The following RAD23B variants were observed in gnomAD, a reference collection of about 807,000 sequenced individuals.
RAD23B encodes lysine-specific demethylase RAD23B.
In RAD23B, 5 loss-of-function variants were observed where a neutral mutation model predicts 49.1. The ratio of observed to expected loss-of-function variants is 0.10; its 90% CI spans 0.05 to 0.21. The LOEUF (loss-of-function observed/expected upper bound fraction) is 0.21, where lower values mean the gene tolerates loss of function less well. Ranked by LOEUF, RAD23B falls within the 10% of genes least tolerant of loss-of-function variation. RAD23B has a pLI of 1.00. For synonymous variants in RAD23B, 184 were observed against 165.4 expected, an observed-to-expected ratio of 1.11 and a Z score of -0.86; for missense variants, 356 against 486.7, an observed-to-expected ratio of 0.73 and a Z score of 2.53.
intron 4 of RAD23B, among the ~76,000 whole-genome samples, chr9:107,309,016 A>G (rs1826837057): frequency 6.6e-6 from 1 of 152,210 alleles, no homozygotes; most frequent in African/African-American, 2.4e-5. Context: ...CTTGATATCT[A>G]CCTGAGAGAA....
intron 4 of RAD23B, among the ~76,000 whole-genome samples, chr9:107,309,116 G>GA (rs1232854268): frequency 2.6e-5 from 4 of 152,162 alleles, no homozygotes; most frequent in Admixed American, 2.6e-4. Context: ...GTAGAGAACA[G>GA]GACTACTCAA....
chr9:107,298,474 A>ATTTTTTTTTTTTTT (rs35923233), intron 1 of RAD23B, among the ~76,000 whole-genome samples: 6 of 53,110 alleles, frequency 1.1e-4, no homozygotes, highest in African/African-American at 2.1e-4. Context: ...TGCTTGGCTA[A>ATTTTTTTTTTTTTT]TTTTTTTTTT....
Position 107,331,652 on chromosome 9 carries a change from A to G in RAD23B, c.*1996A>G. 1 of 770,424 alleles carries G rather than the reference A, an allele frequency of 1.3e-6. No individual in the cohort carries two copies. The highest frequency in any genetic ancestry group is 2.4e-6 in the Non-Finnish European group (1 of 415,412). 47.7% of individuals were successfully genotyped at this position (770,424 alleles called of 1,614,324 possible). A position where few individuals can be genotyped will look rare whatever the true frequency, so the allele number is the denominator to read the frequency against. ...GGAATACTCTCATTTATTTTATGAC[A>G]TTCTCTGTCTACTCAGATCATAGTG... On this transcript the variant is annotated 3_prime_UTR_variant, in exon 10 of 10. Transcript: ENST00000358015.
intron 1 of RAD23B, among the ~76,000 whole-genome samples, chr9:107,292,918 TA>T (rs1453734256): frequency 6.6e-6 from 1 of 152,140 alleles, no homozygotes; most frequent in Non-Finnish European, 1.5e-5. Context: ...CCCCAAAACT[TA>T]ATTAGAACAG....
chr9:107,323,969 T>A lies in RAD23B; in HGVS notation c.897T>A (p.Leu299=), dbSNP rs1301876197. Residue 299 remains leucine, a synonymous_variant, in exon 8 of 10, where the codon CTT becomes CTA. Coordinates refer to ENST00000358015, the MANE Select transcript of RAD23B (RefSeq NM_002874.5). ...RQIIQQNPSL[L]PALLQQIGRE... The stretch of plus-strand genomic sequence containing the variant: ...TTATTCAGCAGAATCCTTCCTTGCT[T>A]CCAGCGTTACTACAGCAGATAGGTC... 3 of 1,613,214 alleles carry A rather than the reference T, an allele frequency of 1.9e-6. No individual in the cohort carries two copies. The highest frequency in any genetic ancestry group is 2.5e-6 in the Non-Finnish European group (3 of 1,179,306).
Position 107,331,113 on chromosome 9 carries a change from A to G in RAD23B, c.*1457A>G, listed in dbSNP as rs1827298809. The G allele has an allele frequency of 6.6e-6, 1 of 152,440 alleles. No individual in the cohort carries two copies. Among genetic ancestry groups the G allele is most frequent in the Non-Finnish European group, 1.5e-5 (1 of 68,042 alleles). The allele number at this position is 152,440 out of a possible 1,614,324, so 9.4% of individuals were successfully genotyped here. A position where few individuals can be genotyped will look rare whatever the true frequency, so the allele number is the denominator to read the frequency against. On this transcript the variant is annotated 3_prime_UTR_variant, in exon 10 of 10. Coordinates refer to ENST00000358015, the MANE Select transcript of RAD23B (RefSeq NM_002874.5). Reference sequence around the variant, plus strand: ...TCTGATACTAAGAAGATGAATTTGCACAGATTTCTCTGCATAATTTCTCAA... The same window carrying G: ...TCTGATACTAAGAAGATGAATTTGCGCAGATTTCTCTGCATAATTTCTCAA...
chr9:107,308,281 T>C (rs1826822888), intron 4 of RAD23B, among the ~76,000 whole-genome samples: 1 of 151,054 alleles, frequency 6.6e-6, no homozygotes, highest in South Asian at 2.1e-4. Flanking sequence ...TGCAGTGGCG[T>C]GACCTCGGCT....
intron 4 of RAD23B, among the ~76,000 whole-genome samples, chr9:107,310,640 T>G (rs1380045583): frequency 1.3e-5 from 2 of 152,236 alleles, no homozygotes; most frequent in Non-Finnish European, 2.9e-5. Flanking sequence ...TTTGAAATTT[T>G]ATTTTCTCTG....
intron 9 of RAD23B, among the ~76,000 whole-genome samples, chr9:107,328,132 A>G (rs369870286): frequency 2.0e-5 from 3 of 152,180 alleles, no homozygotes; most frequent in African/African-American, 7.2e-5. Flanking sequence ...TACTTCACCT[A>G]TCCTAGCTTT....
At chr9:107,286,434 C>A (rs1174973200) in intron 1 of RAD23B, among the ~76,000 whole-genome samples, 1 of 152,050 alleles carries the variant, frequency 6.6e-6, no homozygotes, top group African/African-American at 2.4e-5. Context: ...TTTTATTTGC[C>A]CTAGTTTTAA....
In RAD23B at chr9:107,283,467, G is replaced by T; in HGVS notation, c.-163G>T. The T allele has an allele frequency of 2.0e-6, 1 of 492,296 alleles. No homozygotes were observed. 30.5% of individuals were successfully genotyped at this position (492,296 alleles called of 1,614,324 possible). On this transcript the variant is annotated 5_prime_UTR_variant, in exon 1 of 10. Transcript: ENST00000358015. ...GCGCGGTCCGGGGCACGGGCTGGGG[G>T]AGAGGCCGCTCCGCTGGGCGAATGT... is the stretch of plus-strand genomic sequence containing the variant.
chr9:107,306,403 C>G lies in RAD23B; in HGVS notation c.253C>G (p.Pro85Ala). Residue 85 changes from proline to alanine, a missense_variant, in exon 4 of 10, where the codon CCA (proline) becomes GCA (alanine). Pro to Ala is a conservative substitution (Grantham distance 27). Around this residue, in one of 5 missense-constraint regions of RAD23B, gnomAD observed 137 missense variants for 122.0 expected, o/e 1.12. Coordinates refer to ENST00000358015, the MANE Select transcript of RAD23B (RefSeq NM_002874.5). ...GCCCAAAGCAGTGTCCACACCAGCACCAGCTACAACTCAGCAGTCAGCTCC... is the reference window on the plus strand; with the variant it reads ...GCCCAAAGCAGTGTCCACACCAGCAGCAGCTACAACTCAGCAGTCAGCTCC... ...TKPKAVSTPA[P>A]ATTQQSAPAS... 3 of 1,614,086 alleles carry G rather than the reference C, an allele frequency of 1.9e-6. No homozygotes were observed. Among genetic ancestry groups the G allele is most frequent in the Non-Finnish European group, 2.5e-6 (3 of 1,179,998 alleles).
intron 1 of RAD23B, among the ~76,000 whole-genome samples, chr9:107,299,038 T>G (rs1443524530): frequency 6.6e-6 from 1 of 152,086 alleles, no homozygotes; most frequent in African/African-American, 2.4e-5. Context: ...TCATAAGGGG[T>G]GGTAACCTCT....
At chr9:107,298,474 ATTTTTTTTTTTTTTTTTTT>A (rs35923233) in intron 1 of RAD23B, among the ~76,000 whole-genome samples, 2 of 53,112 alleles carry the variant, frequency 3.8e-5, no homozygotes, top group African/African-American at 2.1e-4. Context: ...TGCTTGGCTA[ATTTTTTTTTTTTTTTTTTT>A]TTTTTTTTTG....
chr9:107,305,802 A>C (rs1826750008), intron 3 of RAD23B, among the ~76,000 whole-genome samples: 1 of 151,924 alleles, frequency 6.6e-6, no homozygotes, highest in African/African-American at 2.4e-5. Context: ...AAACATTTAT[A>C]CTGCCATTTC....
intron 8 of RAD23B, among the ~76,000 whole-genome samples, chr9:107,324,473 A>C (rs1299977680): frequency 6.6e-6 from 1 of 152,214 alleles, no homozygotes; most frequent in East Asian, 1.9e-4. Context: ...TTTATACAGC[A>C]TTTTAATGCC....
intron 7 of RAD23B, among the ~76,000 whole-genome samples, chr9:107,322,343 G>A (rs1827127267): frequency 1.3e-5 from 2 of 152,200 alleles, no homozygotes; most frequent in South Asian, 4.1e-4. Context: ...TTTTGCCGAA[G>A]GGCATATTCT....
chr9:107,291,218 T>C (rs1833378095), intron 1 of RAD23B, among the ~76,000 whole-genome samples: 1 of 152,210 alleles, frequency 6.6e-6, no homozygotes, highest in Non-Finnish European at 1.5e-5. Context: ...TTTTTGCTAG[T>C]GCACTGGCGA....
chr9:107,327,336 TTTAG>T (rs142655861), intron 9 of RAD23B, among the ~76,000 whole-genome samples: 8,959 of 152,224 alleles, frequency 0.059, 374 homozygotes, highest in South Asian at 0.12. Flanking sequence ...TTAGGTTTAG[TTTAG>T]TTCTTTGTTT....
Sources: gnomAD v4.1 joint callset for allele counts (sites outside exome capture counted in the v4.1 genomes callset) on GRCh38, gnomAD v4.1.1 for gene constraint, gnomAD v4.1.1 regional missense constraint, MANE v1.5 for transcripts, NCBI Gene and HGNC (gene_info 2026-07-23, HGNC 2026-07-21) for gene names.